Variants in LIN52 observed in about 807,000 individuals in gnomAD.
LIN52 encodes protein lin-52 homolog.
A neutral mutation model predicts 18.5 loss-of-function variants in LIN52; 4 were observed. The ratio of observed to expected loss-of-function variants is 0.22; its 90% CI spans 0.11 to 0.49. The LOEUF (loss-of-function observed/expected upper bound fraction) is 0.49, where lower values mean the gene tolerates loss of function less well. Among genes scored for constraint, LIN52 ranks in the 20% least tolerant of loss-of-function variants. LIN52 has a pLI of 0.97. For synonymous variants in LIN52, 34 were observed against 45.5 expected, an observed-to-expected ratio of 0.75 and a Z score of 1.02; for missense variants, 102 against 139.5, an observed-to-expected ratio of 0.73 and a Z score of 1.35.
At chr14:74,150,938 T>C (rs922768826) in intron 5 of LIN52, among the ~76,000 whole-genome samples, 4 of 152,162 alleles carry the variant, frequency 2.6e-5, no homozygotes, top group African/African-American at 7.2e-5. Context: ...CCTTATATAA[T>C]GGGATACGAG....
At chr14:74,195,769 G>C (rs1434355404) in intron 5 of LIN52, among the ~76,000 whole-genome samples, 5 of 152,210 alleles carry the variant, frequency 3.3e-5, no homozygotes, top group African/African-American at 7.2e-5. Flanking sequence ...CTAGGTTTGG[G>C]GGGGTTCGGT....
chr14:74,154,788 G>A (rs563838548), intron 5 of LIN52, among the ~76,000 whole-genome samples: 45 of 152,334 alleles, frequency 3.0e-4, no homozygotes, highest in Non-Finnish European at 6.2e-4. Flanking sequence ...TTAGTTACTA[G>A]TGTAAGATGA....
Position 74,199,216 on chromosome 14 carries a change from A to G in LIN52, c.*239A>G. On this transcript the variant is annotated 3_prime_UTR_variant, in exon 6 of 6. Coordinates refer to ENST00000555028, the MANE Select transcript of LIN52 (RefSeq NM_001024674.3). ...TCAACTTTCAGACTTGAACCTTCTT[A>G]GCCTCGGATATTGGTAACAGCTGAG... The G allele has an allele frequency of 4.9e-6, 2 of 408,484 alleles. No individual in the cohort carries two copies. Among genetic ancestry groups the G allele is most frequent in the Non-Finnish European group, 8.7e-6 (2 of 229,284 alleles). The allele number at this position is 408,484 out of a possible 1,614,324, so 25.3% of individuals were successfully genotyped here.
In LIN52 at chr14:74,186,299, C is replaced by T. The variant is rs1460031231; in HGVS notation, c.284-12623C>T. Reference sequence around the variant, plus strand: ...AGAGTGAGACTCTGTCTCAAAAAAACAAACAAACAAACAAACAAAAAACTG... The same window carrying T: ...AGAGTGAGACTCTGTCTCAAAAAAATAAACAAACAAACAAACAAAAAACTG... On this transcript the variant is annotated intron_variant, in intron 5 of 5. Transcript: ENST00000555028. 3.0e-4 allele frequency among the ~76,000 whole-genome samples: 45 copies of T among 149,624 alleles called. No homozygotes were observed. The Admixed American group carries it at 3.0e-3, about 10-fold the overall frequency.
intron 5 of LIN52, among the ~76,000 whole-genome samples, chr14:74,165,861 C>T (rs1286983152): frequency 2.0e-5 from 3 of 151,390 alleles, no homozygotes; most frequent in Non-Finnish European, 4.4e-5. Context: ...TTACAATATC[C>T]AGTCTCTGTC....
rs565512736 is a variant in LIN52, at chr14:74,186,877, A to G, written c.284-12045A>G. 2.0e-5 allele frequency among the ~76,000 whole-genome samples: 3 copies of G among 152,214 alleles called. No individual in the cohort carries two copies. In the South Asian group the frequency reaches 6.2e-4, roughly 32 times the overall value. On this transcript the variant is annotated intron_variant, in intron 5 of 5. Transcript: ENST00000555028. ...TTGCATCACTGGAGGCCAGGAGTTC[A>G]AGACCAGCCTGGCCAACATGGTGAA... is the stretch of plus-strand genomic sequence containing the variant.
chr14:74,114,225 G>A (rs181307954), intron 5 of LIN52: 133 of 934,160 alleles, frequency 1.4e-4, no homozygotes, highest in Non-Finnish European at 1.6e-4. Flanking sequence ...GTTTTAACTT[G>A]TGCTTTAAAA....
At chr14:74,105,701 G>A (rs2060893183) in intron 5 of LIN52, among the ~76,000 whole-genome samples, 1 of 151,942 alleles carries the variant, frequency 6.6e-6, no homozygotes, top group Non-Finnish European at 1.5e-5. Flanking sequence ...GGATGACATG[G>A]GTGAAAAATA....
At chr14:74,121,131 A>AT (rs1318872237) in intron 5 of LIN52, among the ~76,000 whole-genome samples, 1 of 152,198 alleles carries the variant, frequency 6.6e-6, no homozygotes, top group Non-Finnish European at 1.5e-5. Flanking sequence ...TACACAGTAG[A>AT]TTTTCCCCTT....
At chr14:74,096,296 G>A (rs1281300235) in intron 3 of LIN52, among the ~76,000 whole-genome samples, 1 of 152,030 alleles carries the variant, frequency 6.6e-6, no homozygotes, top group Non-Finnish European at 1.5e-5. Context: ...CTGACCTCAA[G>A]TGATCCACCT....
chr14:74,193,840 A>G (rs918807393), intron 5 of LIN52, among the ~76,000 whole-genome samples: 5 of 152,136 alleles, frequency 3.3e-5, no homozygotes, highest in Admixed American at 6.5e-5. Context: ...TCATATTACA[A>G]TCTCCTAAAA....
At chr14:74,112,010 A>T (rs1425114736) in intron 5 of LIN52, among the ~76,000 whole-genome samples, 1 of 151,728 alleles carries the variant, frequency 6.6e-6, no homozygotes, top group African/African-American at 2.4e-5. Flanking sequence ...CCTCCCGAGT[A>T]ACTGGGATTA....
intron 5 of LIN52, among the ~76,000 whole-genome samples, chr14:74,164,012 C>T (rs910206712): frequency 1.8e-4 from 27 of 149,980 alleles, no homozygotes; most frequent in South Asian, 2.1e-4. Context: ...GACAGAGACT[C>T]GTGCTGTCGA....
Position 74,181,107 on chromosome 14 carries a change from CAA to C in LIN52, c.284-17795_284-17794del, listed in dbSNP as rs149099646. On this transcript the variant is annotated intron_variant, in intron 5 of 5. Coordinates refer to ENST00000555028, the MANE Select transcript of LIN52 (RefSeq NM_001024674.3). ...TGGGTGATGGAGCAAGACTCTGTCT[CAA>C]AAAAAAAAAAAAAAAAAAAGAAAAA... Among the ~76,000 whole-genome samples, 936 of 96,090 alleles carry C rather than the reference CAA, an allele frequency of 9.7e-3. 13 individuals are homozygous for C. Among genetic ancestry groups the C allele is most frequent in the African/African-American group, 0.036 (895 of 24,640 alleles). The allele number at this position is 96,090 out of a possible 152,430, so 63.0% of individuals were successfully genotyped here.
chr14:74,119,648 T>C (rs1281042322), intron 5 of LIN52, among the ~76,000 whole-genome samples: 1 of 152,140 alleles, frequency 6.6e-6, no homozygotes, highest in Admixed American at 6.5e-5. Flanking sequence ...GTATTCTCAG[T>C]CTTTTAACTT....
At chr14:74,157,597 C>T (rs997781200) in intron 5 of LIN52, among the ~76,000 whole-genome samples, 1 of 151,600 alleles carries the variant, frequency 6.6e-6, no homozygotes, top group African/African-American at 2.4e-5. Flanking sequence ...CTCCCAAGTA[C>T]CTGGGACTAC....
chr14:74,199,268 C>T lies in LIN52; in HGVS notation c.*291C>T. On this transcript the variant is annotated 3_prime_UTR_variant, in exon 6 of 6. Transcript: ENST00000555028. The stretch of plus-strand genomic sequence containing the variant: ...GCATATCATTCTTAAAGGTCGAAGT[C>T]CTGCTTTCTCATTTCTGGAAGTGAT... The T allele has an allele frequency of 3.6e-6, 1 of 277,224 alleles. No individual in the cohort carries two copies. The highest frequency in any genetic ancestry group is 6.2e-5 in the East Asian group (1 of 16,190). The allele number at this position is 277,224 out of a possible 1,614,324, so 17.2% of individuals were successfully genotyped here.
chr14:74,170,767 A>G (rs2061266499), intron 5 of LIN52, among the ~76,000 whole-genome samples: 1 of 152,080 alleles, frequency 6.6e-6, no homozygotes, highest in Non-Finnish European at 1.5e-5. Context: ...GAAAAATATT[A>G]AAAGCAAAAT....
chr14:74,090,246 G>A (rs7150171), intron 1 of LIN52, among the ~76,000 whole-genome samples: 7 of 148,076 alleles, frequency 4.7e-5, no homozygotes, highest in East Asian at 4.0e-4. Flanking sequence ...CTTGAACTCC[G>A]GACCTCAAGT....
Sources: allele counts gnomAD v4.1 joint callset (sites outside exome capture counted in the v4.1 genomes callset), GRCh38; gene constraint gnomAD v4.1.1; transcripts MANE v1.5; gene names NCBI Gene and HGNC (gene_info 2026-07-23, HGNC 2026-07-21).